XPNPEP1: variants seen among roughly 807,000 people sequenced by gnomAD.
XPNPEP1 encodes xaa-Pro aminopeptidase 1.
Under a neutral mutation model 92.4 loss-of-function variants are expected in XPNPEP1, and 39 were observed. The ratio of observed to expected loss-of-function variants is 0.42; its 90% confidence interval spans 0.33 to 0.55. The LOEUF (loss-of-function observed/expected upper bound fraction) is 0.55, where lower values mean the gene tolerates loss of function less well. XPNPEP1 is among the 20% of genes least tolerant of loss of function. XPNPEP1 has a pLI of 0.08. For missense variants in XPNPEP1, 654 were observed against 856.1 expected (o/e 0.76, Z 2.95); for synonymous variants, 307 against 299.4 (o/e 1.03, Z -0.26).
chr10:109,884,247 T>C (rs1848266634), intron 8 of XPNPEP1, 99 bp from the exon 9 acceptor site: 2 of 1,149,654 alleles, frequency 1.7e-6, no homozygotes, highest in Non-Finnish European at 2.5e-6. Flanking sequence ...GTCCAGCTGC[T>C]GCGCAAGGAT....
At chr10:109,923,196 TCCGGAAACGAA>T in intron 1 of XPNPEP1, 195 bp downstream of exon 1, 19 of 985,058 alleles carry the variant, frequency 1.9e-5, no homozygotes, top group Non-Finnish European at 2.3e-5. Flanking sequence ...CCACCGACCC[TCCGGAAACGAA>T]CCGGATCTCG....
At chr10:109,880,118 GA>G in intron 12 of XPNPEP1, 69 bp downstream of exon 12, 1 of 1,477,706 alleles carries the variant, frequency 6.8e-7, no homozygotes, top group Non-Finnish European at 9.4e-7. Flanking sequence ...GGAGATGCTA[GA>G]GTTAGAATCA....
chr10:109,877,430 C>T (rs763949096), intron 14 of XPNPEP1: 14 of 209,614 alleles, frequency 6.7e-5, no homozygotes, highest in Admixed American at 1.6e-4. Context: ...GGCACCACTG[C>T]GCTCCAGCCT....
intron 3 of XPNPEP1, among the ~76,000 whole-genome samples, chr10:109,896,533 G>C (rs889169302): frequency 6.7e-6 from 1 of 148,790 alleles, no homozygotes; most frequent in Non-Finnish European, 1.5e-5. Flanking sequence ...GCCTCCCAAA[G>C]TGCTAGGATT....
intron 3 of XPNPEP1, among the ~76,000 whole-genome samples, chr10:109,906,213 C>T (rs1485232461): frequency 2.6e-5 from 4 of 152,268 alleles, no homozygotes; most frequent in Non-Finnish European, 5.9e-5. Flanking sequence ...GACACGCACA[C>T]GTGCACACAC....
intron 17 of XPNPEP1, among the ~76,000 whole-genome samples, chr10:109,871,573 G>A (rs763139531): frequency 6.6e-6 from 1 of 152,144 alleles, no homozygotes; most frequent in Non-Finnish European, 1.5e-5. Flanking sequence ...CAGGAGAATG[G>A]TGCACAGGGG....
intron 17 of XPNPEP1, 114 bp downstream of exon 17, chr10:109,871,678 A>G: frequency 8.2e-7 from 1 of 1,221,410 alleles, no homozygotes; most frequent in South Asian, 1.4e-5. Flanking sequence ...CTGGGCCTGA[A>G]GTGGGATGGG....
At chr10:109,889,410 C>T (rs989997087) in intron 5 of XPNPEP1, among the ~76,000 whole-genome samples, 4 of 152,152 alleles carry the variant, frequency 2.6e-5, no homozygotes, top group Admixed American at 6.5e-5. Context: ...ACCATGTTAG[C>T]CAGGTTGGTC....
At position 109,867,133 on chromosome 10, in the gene XPNPEP1, C is replaced by T. The variant is rs778017903; in HGVS notation, c.1872+1481G>A. ...GCGAAATGACTTATTACTGGAAAGC[C>T]CCTTGCTAAGTCCCTGGAAGCTGTG... On this transcript the variant is annotated intron_variant, in intron 20 of 20. Transcript: ENST00000502935. The surrounding 1 kb of genome is among the most constrained non-coding windows in gnomAD (Gnocchi z 4.5). 6.6e-6 allele frequency among the ~76,000 whole-genome samples: 1 copy of T among 152,200 alleles called. No homozygotes were observed. The highest frequency in any genetic ancestry group is 1.5e-5 in the Non-Finnish European group (1 of 68,042).
chr10:109,913,230 T>C (rs559813952), intron 2 of XPNPEP1, among the ~76,000 whole-genome samples: 13 of 152,238 alleles, frequency 8.5e-5, no homozygotes, highest in Non-Finnish European at 1.6e-4. Context: ...TTTCACTGAT[T>C]GTACATGAAA....
chr10:109,905,033 G>T lies in XPNPEP1; in HGVS notation c.246+2658C>A, dbSNP rs1050968726. On this transcript the variant is annotated intron_variant, in intron 3 of 20. Coordinates refer to ENST00000502935, the MANE Select transcript of XPNPEP1 (RefSeq NM_020383.4). Reference sequence around the variant, plus strand: ...TGAAATGACCATCCACAGATGAACAGGTTAAAAAAAAAAAGTCTCTAAATA... The same window carrying T: ...TGAAATGACCATCCACAGATGAACATGTTAAAAAAAAAAAGTCTCTAAATA... Among the ~76,000 whole-genome samples, 4 of 150,886 alleles carry T rather than the reference G, an allele frequency of 2.7e-5. No homozygotes were observed. The South Asian group carries it at 6.3e-4, about 24-fold the overall frequency.
chr10:109,880,105 A>G (rs539346978), intron 12 of XPNPEP1, 83 bp downstream of exon 12: 1 of 1,380,928 alleles, frequency 7.2e-7, no homozygotes, highest in East Asian at 2.3e-5. Flanking sequence ...TCAGCAGAGC[A>G]TGGGAGATGC....
chr10:109,900,469 C>T (rs1014442428), intron 3 of XPNPEP1, among the ~76,000 whole-genome samples: 28 of 152,170 alleles, frequency 1.8e-4, no homozygotes, highest in Non-Finnish European at 1.3e-4. Context: ...CTCTTCTCCA[C>T]AGGAACTAAA....
intron 5 of XPNPEP1, among the ~76,000 whole-genome samples, chr10:109,891,077 C>A (rs762466970): frequency 6.6e-6 from 1 of 152,168 alleles, no homozygotes; most frequent in Non-Finnish European, 1.5e-5. Flanking sequence ...AAAGTACACA[C>A]GGCAGAAAAT....
intron 2 of XPNPEP1, among the ~76,000 whole-genome samples, chr10:109,908,622 A>G (rs2133532924): frequency 6.6e-6 from 1 of 152,314 alleles, no homozygotes; most frequent in East Asian, 1.9e-4. Flanking sequence ...CAAAACAAAC[A>G]GATGACAAAG....
chr10:109,911,345 A>C (rs1849860409), intron 2 of XPNPEP1, among the ~76,000 whole-genome samples: 1 of 152,146 alleles, frequency 6.6e-6, no homozygotes, highest in Non-Finnish European at 1.5e-5. Context: ...TCCTGGGTTC[A>C]AGTGATCCTC....
chr10:109,891,037 C>T (rs890761702), intron 5 of XPNPEP1, among the ~76,000 whole-genome samples: 2 of 152,140 alleles, frequency 1.3e-5, no homozygotes, highest in Admixed American at 1.3e-4. Context: ...TCCCTAAAAC[C>T]GTGTTTCTAA....
intron 8 of XPNPEP1, chr10:109,884,422 C>T (rs1218166998): frequency 1.3e-5 from 5 of 378,544 alleles, no homozygotes; most frequent in African/African-American, 1.0e-4. Context: ...ATCCTGAGAA[C>T]TGCCCCCACA....
intron 15 of XPNPEP1, among the ~76,000 whole-genome samples, chr10:109,873,942 G>A (rs982185451): frequency 1.3e-5 from 2 of 152,212 alleles, no homozygotes; most frequent in African/African-American, 4.8e-5. Flanking sequence ...CAAATCCATA[G>A]ATACAGAAAG....
Sources: allele counts gnomAD v4.1 joint callset (sites outside exome capture counted in the v4.1 genomes callset), GRCh38; gene constraint gnomAD v4.1.1; non-coding constraint Gnocchi (gnomAD v3.1); transcripts MANE v1.5; gene names NCBI Gene and HGNC (gene_info 2026-07-23, HGNC 2026-07-21).